TENM2: variants seen among roughly 807,000 people sequenced by gnomAD.
TENM2 encodes the protein teneurin-2.
Under a neutral mutation model 245.2 loss-of-function variants are expected in TENM2, and 52 were observed. The ratio of observed to expected loss-of-function variants is 0.21; its 90% CI spans 0.17 to 0.27. The LOEUF is 0.27. TENM2 is among the 10% of genes least tolerant of loss of function. The pLI is 1.00. For missense variants in TENM2, 3,046 were observed against 3,666.8 expected (o/e 0.83, Z 4.37); for synonymous variants, 1,363 against 1,438.9 (o/e 0.95, Z 1.19).
chr5:167,410,037 A>C (rs1220189885), intron 2 of TENM2, among the ~76,000 whole-genome samples: 2 of 152,012 alleles, frequency 1.3e-5, no homozygotes, highest in African/African-American at 4.8e-5. Context: ...ATGTAGCTTC[A>C]TTGCTTTAGC....
chr5:167,014,334 A>G, the TENM2 span, among the ~76,000 whole-genome samples: 239 of 152,238 alleles, frequency 1.6e-3, no homozygotes, highest in African/African-American at 5.3e-3. Context: ...GTCATGAGGG[A>G]AAAAATGAAA....
the TENM2 span, among the ~76,000 whole-genome samples, chr5:167,047,916 T>G: frequency 6.6e-6 from 1 of 151,534 alleles, no homozygotes; most frequent in Non-Finnish European, 1.5e-5. Flanking sequence ...TTATCTGTGC[T>G]TCATCACTAG....
chr5:168,169,014 G>A (rs1184690976), intron 13 of TENM2, among the ~76,000 whole-genome samples: 1 of 152,180 alleles, frequency 6.6e-6, no homozygotes, highest in Non-Finnish European at 1.5e-5. Flanking sequence ...CTACAAAGAT[G>A]GATAAACACA....
chr5:167,525,058 T>G (rs1243831098), intron 2 of TENM2, among the ~76,000 whole-genome samples: 1 of 152,084 alleles, frequency 6.6e-6, no homozygotes, highest in African/African-American at 2.4e-5. Context: ...GTTAATCAGC[T>G]TGATGAGCAG....
intron 1 of TENM2, among the ~76,000 whole-genome samples, chr5:167,352,913 G>T (rs1759017415): frequency 1.3e-5 from 2 of 152,258 alleles, no homozygotes; most frequent in African/African-American, 4.8e-5. Flanking sequence ...CCTGTCTCCA[G>T]AGAAAAAGGG....
At chr5:167,642,482 ACTC>A (rs949512171) in intron 2 of TENM2, among the ~76,000 whole-genome samples, 5 of 151,458 alleles carry the variant, frequency 3.3e-5, no homozygotes, top group African/African-American at 4.9e-5. Context: ...ACTCCTTTTC[ACTC>A]CTCCTCCTCA....
At chr5:167,344,950 C>T (rs997948190) in intron 1 of TENM2, among the ~76,000 whole-genome samples, 1 of 152,124 alleles carries the variant, frequency 6.6e-6, no homozygotes, top group East Asian at 1.9e-4. Flanking sequence ...GTTTCAGACT[C>T]TAAGATGAGG....
intron 7 of TENM2, among the ~76,000 whole-genome samples, chr5:168,066,306 C>T (rs191457471): frequency 1.3e-5 from 2 of 152,272 alleles, no homozygotes; most frequent in Admixed American, 1.3e-4. Context: ...CCAAAGCAGT[C>T]ACATCATAAC....
chr5:167,533,686 C>A (rs567275618), intron 2 of TENM2, among the ~76,000 whole-genome samples: 1 of 152,032 alleles, frequency 6.6e-6, no homozygotes, highest in African/African-American at 2.4e-5. Flanking sequence ...TCTCAAATTC[C>A]TGAGCTGAAG....
chr5:167,610,225 G>A (rs1260925452), intron 2 of TENM2, among the ~76,000 whole-genome samples: 1 of 152,096 alleles, frequency 6.6e-6, no homozygotes, highest in Non-Finnish European at 1.5e-5. Flanking sequence ...GAGCTTTCAT[G>A]CCTTCCCCAG....
intron 2 of TENM2, among the ~76,000 whole-genome samples, chr5:167,809,199 G>C (rs930474389): frequency 6.6e-6 from 1 of 152,156 alleles, no homozygotes; most frequent in Non-Finnish European, 1.5e-5. Context: ...CCCGAGAAGA[G>C]AGTCAACTCC....
intron 2 of TENM2, among the ~76,000 whole-genome samples, chr5:167,813,711 C>A (rs552773387): frequency 6.6e-6 from 1 of 152,278 alleles, no homozygotes; most frequent in South Asian, 2.1e-4. Flanking sequence ...CCCTACTCCC[C>A]AGATTTCTTG....
At chr5:167,138,673 A>C in the TENM2 span, among the ~76,000 whole-genome samples, 3 of 152,140 alleles carry the variant, frequency 2.0e-5, no homozygotes, top group Admixed American at 1.3e-4. Flanking sequence ...CCCAGGCCAC[A>C]GTGCAGTGGC....
At chr5:167,688,482 T>G (rs1266916273) in intron 2 of TENM2, among the ~76,000 whole-genome samples, 1 of 152,198 alleles carries the variant, frequency 6.6e-6, no homozygotes, top group African/African-American at 2.4e-5. Context: ...AAAACACTAG[T>G]GTTCCAACTA....
chr5:167,705,985 ATATATATTTATTTATT>A (rs1406797196), intron 2 of TENM2, among the ~76,000 whole-genome samples: 3 of 84,682 alleles, frequency 3.5e-5, no homozygotes, highest in African/African-American at 2.5e-4. Context: ...ATATATATAT[ATATATATTTATTTATT>A]TATTTATTTA....
chr5:167,000,183 G>T, the TENM2 span, among the ~76,000 whole-genome samples: 2 of 152,282 alleles, frequency 1.3e-5, no homozygotes, highest in Admixed American at 1.3e-4. Flanking sequence ...GGGTTAAGCA[G>T]CTAAAGGGAG....
the TENM2 span, among the ~76,000 whole-genome samples, chr5:167,225,975 A>C: frequency 6.6e-6 from 1 of 151,848 alleles, no homozygotes; most frequent in African/African-American, 2.4e-5. Flanking sequence ...ATAGTGTCTA[A>C]TGATCTTTTG....
At chr5:167,833,495 T>C (rs1173135379) in intron 2 of TENM2, among the ~76,000 whole-genome samples, 2 of 152,232 alleles carry the variant, frequency 1.3e-5, no homozygotes, top group African/African-American at 2.4e-5. Flanking sequence ...TCAGATCCCA[T>C]CTGATGACAA....
chr5:167,225,783 G>A, the TENM2 span, among the ~76,000 whole-genome samples: 32,213 of 151,790 alleles, frequency 0.21, 4,093 homozygotes, highest in African/African-American at 0.36. Flanking sequence ...ATTAGTGAAT[G>A]TATCCAGTCC....
Sources: gnomAD v4.1 joint callset for allele counts (sites outside exome capture counted in the v4.1 genomes callset) on GRCh38, gnomAD v4.1.1 for gene constraint, MANE v1.5 for transcripts, NCBI Gene and HGNC (gene_info 2026-07-23, HGNC 2026-07-21) for gene names.